FSTL5: variants seen among roughly 807,000 people sequenced by gnomAD.
The protein encoded by FSTL5 is follistatin like 5.
A neutral mutation model predicts 89.1 loss-of-function variants in FSTL5; 62 were observed. The observed-to-expected ratio is 0.70, with a 90% CI of 0.57 to 0.86. FSTL5 has a LOEUF of 0.86. Ranked by LOEUF, FSTL5 falls within the 40% of genes least tolerant of loss-of-function variation. The pLI is 0.00. For synonymous variants in FSTL5, 383 were observed against 346.2 expected, an observed-to-expected ratio of 1.11 and a Z score of -1.18; for missense variants, 1,057 against 1,001.6, an observed-to-expected ratio of 1.06 and a Z score of -0.75.
At chr4:161,627,590 C>T (rs1394502122) in intron 7 of FSTL5, among the ~76,000 whole-genome samples, 1 of 151,990 alleles carries the variant, frequency 6.6e-6, no homozygotes, top group African/African-American at 2.4e-5. Flanking sequence ...TTGTTAGATA[C>T]CTTTTTACAA....
chr4:161,829,995 A>C (rs1301844892), intron 4 of FSTL5, among the ~76,000 whole-genome samples: 1 of 152,126 alleles, frequency 6.6e-6, no homozygotes, highest in Non-Finnish European at 1.5e-5. Flanking sequence ...ACTAGAATGC[A>C]AAGATCCAAC....
At chr4:161,619,400 G>T (rs577940771) in intron 7 of FSTL5, among the ~76,000 whole-genome samples, 1 of 152,222 alleles carries the variant, frequency 6.6e-6, no homozygotes, top group African/African-American at 2.4e-5. Context: ...AGAGTGAACA[G>T]GCAACCTACA....
rs75929229 is a variant in FSTL5 at position 161,976,979 on chromosome 4, A to G, written c.161-56327T>C. Among the ~76,000 whole-genome samples, 1,981 of 152,338 alleles carry G rather than the reference A, an allele frequency of 0.013. 128 individuals are homozygous for G. In the East Asian group the frequency reaches 0.2, roughly 16 times the overall value. ...ATCTTTTCTGTTTTCCATGGTGACT[A>G]TAATGGCTATCTTCATTTTATCCAT... On this transcript the variant is annotated intron_variant, in intron 3 of 15. Coordinates refer to ENST00000306100, the MANE Select transcript of FSTL5 (RefSeq NM_020116.5).
At chr4:161,634,770 G>T (rs994531146) in intron 7 of FSTL5, among the ~76,000 whole-genome samples, 1 of 152,112 alleles carries the variant, frequency 6.6e-6, no homozygotes, top group Non-Finnish European at 1.5e-5. Context: ...TGTTCAAAGG[G>T]TACGAAGTTT....
At chr4:161,729,266 T>C (rs191706711) in intron 6 of FSTL5, among the ~76,000 whole-genome samples, 1 of 152,218 alleles carries the variant, frequency 6.6e-6, no homozygotes, top group Non-Finnish European at 1.5e-5. Context: ...TTTTAGAGCA[T>C]AATCTAGCCC....
At chr4:162,114,845 T>A (rs543041855) in intron 1 of FSTL5, among the ~76,000 whole-genome samples, 2 of 152,164 alleles carry the variant, frequency 1.3e-5, no homozygotes, top group African/African-American at 4.8e-5. Context: ...ACATCTCTTA[T>A]ATGATTAATC....
chr4:162,075,323 G>T (rs774687058), intron 2 of FSTL5, among the ~76,000 whole-genome samples: 1 of 151,816 alleles, frequency 6.6e-6, no homozygotes, highest in Non-Finnish European at 1.5e-5. Context: ...AGATGAATTT[G>T]CATAAGATTT....
chr4:161,509,175 C>T (rs1378469862), intron 11 of FSTL5, among the ~76,000 whole-genome samples: 1 of 152,062 alleles, frequency 6.6e-6, no homozygotes, highest in Non-Finnish European at 1.5e-5. Context: ...TGGTGGCCCG[C>T]TCCTGTAACC....
At chr4:161,846,721 T>C (rs1201110409) in intron 4 of FSTL5, among the ~76,000 whole-genome samples, 2 of 152,132 alleles carry the variant, frequency 1.3e-5, no homozygotes, top group Admixed American at 1.3e-4. Context: ...AGTTTATGCA[T>C]TTATCTAGGT....
intron 3 of FSTL5, among the ~76,000 whole-genome samples, chr4:161,953,333 TA>T (rs1560934258): frequency 6.6e-6 from 1 of 151,492 alleles, no homozygotes; most frequent in African/African-American, 2.4e-5. Flanking sequence ...TATAAAATAT[TA>T]TAAATATTAT....
chr4:161,784,024 C>T (rs1021571501), intron 4 of FSTL5, among the ~76,000 whole-genome samples: 2 of 151,658 alleles, frequency 1.3e-5, no homozygotes, highest in Non-Finnish European at 2.9e-5. Context: ...CAGCCTCCAT[C>T]TCCCAGATTC....
intron 5 of FSTL5, among the ~76,000 whole-genome samples, chr4:161,773,253 A>G (rs576245511): frequency 6.6e-6 from 1 of 152,280 alleles, no homozygotes; most frequent in South Asian, 2.1e-4. Flanking sequence ...AGAAGATAAC[A>G]TCAGAAAAAC....
At chr4:161,872,140 G>GTTTTTTTT (rs1491313878) in intron 4 of FSTL5, among the ~76,000 whole-genome samples, 24 of 67,488 alleles carry the variant, frequency 3.6e-4, no homozygotes, top group Middle Eastern at 0.014. Flanking sequence ...TTTTTTTTTT[G>GTTTTTTTT]GTTTTTTTTT....
intron 6 of FSTL5, among the ~76,000 whole-genome samples, chr4:161,663,642 T>C (rs751792776): frequency 2.0e-5 from 3 of 152,174 alleles, no homozygotes; most frequent in Non-Finnish European, 4.4e-5. Flanking sequence ...GTGGCTTTTC[T>C]AGGTGCATGT....
At chr4:161,977,758 C>T (rs1390117294) in intron 3 of FSTL5, among the ~76,000 whole-genome samples, 2 of 150,698 alleles carry the variant, frequency 1.3e-5, no homozygotes, top group African/African-American at 4.9e-5. Context: ...AATTGGAATT[C>T]AAATCCAACT....
At chr4:161,653,772 TTGAC>T (rs377345068) in intron 7 of FSTL5, among the ~76,000 whole-genome samples, 1 of 152,158 alleles carries the variant, frequency 6.6e-6, no homozygotes, top group African/African-American at 2.4e-5. Flanking sequence ...TTTTCATAAT[TTGAC>T]TGTTGAAACT....
intron 7 of FSTL5, among the ~76,000 whole-genome samples, chr4:161,594,351 T>C (rs998677781): frequency 1.3e-5 from 2 of 152,190 alleles, no homozygotes; most frequent in African/African-American, 4.8e-5. Flanking sequence ...TATTTTCAGA[T>C]AATTCTTTTA....
intron 10 of FSTL5, among the ~76,000 whole-genome samples, chr4:161,513,440 AC>A (rs1730720569): frequency 6.6e-6 from 1 of 152,108 alleles, no homozygotes; most frequent in Non-Finnish European, 1.5e-5. Context: ...AGACCTAAAA[AC>A]AAGAAATACC....
At chr4:161,410,870 A>C (rs2110934879) in intron 15 of FSTL5, among the ~76,000 whole-genome samples, 1 of 152,082 alleles carries the variant, frequency 6.6e-6, no homozygotes, top group Middle Eastern at 3.4e-3. Context: ...GAAAGGAAAT[A>C]ACTAAAATTA....
Sources: allele counts gnomAD v4.1 joint callset (sites outside exome capture counted in the v4.1 genomes callset), GRCh38; gene constraint gnomAD v4.1.1; transcripts MANE v1.5; gene names NCBI Gene and HGNC (gene_info 2026-07-23, HGNC 2026-07-21).